DAZAP2: variants seen among roughly 807,000 people sequenced by gnomAD.
DAZAP2 encodes the protein DAZ-associated protein 2.
A neutral mutation model predicts 16.2 loss-of-function variants in DAZAP2; 3 were observed. That is an observed-to-expected ratio of 0.19 (90% CI 0.08 to 0.48). DAZAP2 has a LOEUF of 0.48. Ranked by LOEUF, DAZAP2 falls within the 20% of genes least tolerant of loss-of-function variation. DAZAP2 has a pLI of 0.98. For synonymous variants in DAZAP2, 69 were observed against 77.6 expected (o/e 0.89, Z 0.58); for missense variants, 172 against 215.9 (o/e 0.80, Z 1.27).
intron 1 of DAZAP2, chr12:51,239,136 G>A: frequency 1.6e-6 from 1 of 627,928 alleles, no homozygotes; most frequent in Non-Finnish European, 2.6e-6. Context: ...ACTCTGTGGC[G>A]CAGTTTGGAG....
At chr12:51,246,389 G>C, downstream of DAZAP2, 1 of 483,550 alleles carries the variant, frequency 2.1e-6, no homozygotes. Flanking sequence ...GATTCTTAAA[G>C]AAACGGGAAG....
downstream of DAZAP2, chr12:51,246,025 T>C: frequency 6.2e-7 from 1 of 1,613,930 alleles, no homozygotes; most frequent in South Asian, 1.1e-5. Flanking sequence ...CTTCTGTAGG[T>C]TCATAGGTGA....
chr12:51,245,303 A>G (rs1431786484), downstream of DAZAP2: 1 of 152,626 alleles, frequency 6.6e-6, no homozygotes, highest in African/African-American at 2.4e-5. Context: ...AAAATGTTTA[A>G]GCAAAAATAA....
At chr12:51,242,172 A>G (rs113028999) in intron 3 of DAZAP2, among the ~76,000 whole-genome samples, 158 bp from the exon 4 acceptor site, 1 of 152,200 alleles carries the variant, frequency 6.6e-6, no homozygotes, top group African/African-American at 2.4e-5. Flanking sequence ...CACATAAAGT[A>G]TAGACCTACT....
At chr12:51,244,774 G>C (rs1451976775), downstream of DAZAP2, 1 of 151,744 alleles carries the variant, frequency 6.6e-6, no homozygotes. Context: ...GGGAAATTCT[G>C]GCCCTTGCCA....
In DAZAP2 at chr12:51,240,908, C is replaced by G; in HGVS notation, c.170C>G (p.Thr57Arg). ...AGCTTTGTGCACCCAGGGGCTGCCACAGTCCCCACCATGTCAGCCGCATTT... is the reference window on the plus strand; with the variant it reads ...AGCTTTGTGCACCCAGGGGCTGCCAGAGTCCCCACCATGTCAGCCGCATTT... ...RPSFVHPGAATVPTMSAAFPG... is the reference protein window; with the variant it reads ...RPSFVHPGAARVPTMSAAFPG... The change falls in exon 3 of 4, where the codon ACA (threonine) becomes AGA (arginine). Residue 57 changes from threonine to arginine, a missense_variant. Transcript: ENST00000412716. 1.9e-6 allele frequency: 3 copies of G among 1,614,200 alleles called. No homozygotes were observed. The highest frequency in any genetic ancestry group is 2.5e-6 in the Non-Finnish European group (3 of 1,180,036).
chr12:51,240,750 A>G, intron 2 of DAZAP2, 121 bp from the exon 3 acceptor site: 1 of 1,388,314 alleles, frequency 7.2e-7, no homozygotes, highest in Non-Finnish European at 9.7e-7. Flanking sequence ...TGGAAAGGCA[A>G]CTTGTATAAT....
chr12:51,243,992 A>G (rs1029258358), downstream of DAZAP2: 12 of 928,930 alleles, frequency 1.3e-5, no homozygotes, highest in African/African-American at 1.1e-4. Context: ...TTTTACTCCA[A>G]CCTCTTACAA....
chr12:51,243,872 T>G lies in DAZAP2; in HGVS notation c.*1414T>G. 1.0e-6 allele frequency: 1 copy of G among 985,324 alleles called. No homozygotes were observed. The highest frequency in any genetic ancestry group is 1.2e-6 in the Non-Finnish European group (1 of 829,842). 61.0% of individuals were successfully genotyped at this position (985,324 alleles called of 1,614,324 possible). On this transcript the variant is annotated 3_prime_UTR_variant, in exon 4 of 4. Transcript: ENST00000412716. ...ATATCCCATCTAGAATTCAGCTAGG[T>G]GCTGCTGCTGCTCTGTTTCCTTTGA...
chr12:51,245,594 G>C (rs1380063455), downstream of DAZAP2: 2 of 227,714 alleles, frequency 8.8e-6, no homozygotes, highest in African/African-American at 4.5e-5. Context: ...GGACAGAGTA[G>C]AGCAGCCAAT....
rs1331284058 is a variant in DAZAP2 at position 51,242,679 on chromosome 12, A to G, written c.*221A>G. 1 of 1,512,152 alleles carries G rather than the reference A, an allele frequency of 6.6e-7. No homozygotes were observed. Among genetic ancestry groups the G allele is most frequent in the Admixed American group, 2.2e-5 (1 of 45,222 alleles). The allele number at this position is 1,512,152 out of a possible 1,614,324, so 93.7% of individuals were successfully genotyped here. The stretch of plus-strand genomic sequence containing the variant: ...GCATTTTGAGGTAGGGGAGGTATCC[A>G]TTCATAAAATGAATGTGGGTGAAGC... On this transcript the variant is annotated 3_prime_UTR_variant, in exon 4 of 4. Coordinates refer to ENST00000412716, the MANE Select transcript of DAZAP2 (RefSeq NM_014764.4).
Position 51,242,542 on chromosome 12 carries a change from C to T in DAZAP2, c.*84C>T, listed in dbSNP as rs764040405. ...ATGTAACTGCTTTAGTCATATTAAC[C>T]TGAAGTTGCAGTTTAGACACATGTT... is the stretch of plus-strand genomic sequence containing the variant. On this transcript the variant is annotated 3_prime_UTR_variant, in exon 4 of 4. Transcript: ENST00000412716. The T allele has an allele frequency of 3.1e-6, 5 of 1,613,114 alleles. No homozygotes were observed. The highest frequency in any genetic ancestry group is 3.3e-5 in the Admixed American group (2 of 59,982).
chr12:51,242,080 G>C (rs541586742), intron 3 of DAZAP2, among the ~76,000 whole-genome samples: 1 of 152,248 alleles, frequency 6.6e-6, no homozygotes, highest in South Asian at 2.1e-4. Flanking sequence ...TTCATGTTCA[G>C]AAGGTAGCCA....
At chr12:51,245,218 T>C (rs967553832), downstream of DAZAP2, 10 of 152,210 alleles carry the variant, frequency 6.6e-5, no homozygotes, top group African/African-American at 2.2e-4. Context: ...TGCAAACTTC[T>C]AGAACTTTCC....
chr12:51,245,489 C>T (rs540016559), downstream of DAZAP2: 2 of 156,182 alleles, frequency 1.3e-5, no homozygotes, highest in South Asian at 2.0e-4. Flanking sequence ...TCTCCTACCC[C>T]TCCTGGCCTG....
In DAZAP2 at chr12:51,238,855, G is replaced by A. The variant is rs531572751; in HGVS notation, c.-53G>A. 63 of 1,612,286 alleles carry A rather than the reference G, an allele frequency of 3.9e-5. No homozygotes were observed. Among genetic ancestry groups the A allele is most frequent in the Non-Finnish European group, 4.9e-5 (58 of 1,179,706 alleles). On this transcript the variant is annotated 5_prime_UTR_variant, in exon 1 of 4. Transcript: ENST00000412716. ...CGGAAGTAGCTCCGAACAGGAAGAG[G>A]ACGAAAAAAATAACCGTCCGCGACG...
rs749092403 is a variant in DAZAP2 at position 51,241,065 on chromosome 12, G to A, written c.327G>A (p.Gly109=). Residue 109 remains glycine (G), a synonymous_variant, in exon 3 of 4, where the codon GGG becomes GGA. Coordinates refer to ENST00000412716, the MANE Select transcript of DAZAP2 (RefSeq NM_014764.4). ...GCTCCACAGTGCTGGTGGAAGGAGG[G>A]TATGATGCAGGTGCCAGATTTGGAG... ...PPGSTVLVEG[G]YDAGARFGAG... The A allele has an allele frequency of 1.9e-6, 3 of 1,614,094 alleles. No individual in the cohort carries two copies. The highest frequency in any genetic ancestry group is 1.7e-5 in the Admixed American group (1 of 60,002).
chr12:51,245,746 T>C (rs937925347), downstream of DAZAP2: 18 of 574,670 alleles, frequency 3.1e-5, no homozygotes, highest in Non-Finnish European at 4.6e-5. Flanking sequence ...GTTAAAGATA[T>C]CATAAACAGC....
chr12:51,241,219 T>C, intron 3 of DAZAP2, 103 bp downstream of exon 3: 1 of 1,524,680 alleles, frequency 6.6e-7, no homozygotes, highest in South Asian at 1.3e-5. Flanking sequence ...TAGTTGCCAG[T>C]GTTGGTACAA....
Sources: allele counts gnomAD v4.1 joint callset (sites outside exome capture counted in the v4.1 genomes callset), GRCh38; gene constraint gnomAD v4.1.1; transcripts MANE v1.5; gene names NCBI Gene and HGNC (gene_info 2026-07-23, HGNC 2026-07-21).